The following PCDHGB1 variants were observed in gnomAD, a reference collection of about 807,000 sequenced individuals.
PCDHGB1 encodes protocadherin gamma-B1.
In PCDHGB1, 34 loss-of-function variants were observed where a neutral mutation model predicts 56.6. The observed-to-expected ratio is 0.60, with a 90% CI of 0.46 to 0.80. The LOEUF (loss-of-function observed/expected upper bound fraction) is 0.80. Among genes scored for constraint, PCDHGB1 ranks in the 30% least tolerant of loss-of-function variants. PCDHGB1 has a pLI of 0.00. For synonymous variants in PCDHGB1, 561 were observed against 505.9 expected (o/e 1.11, Z -1.46); for missense variants, 1,278 against 1,204.6 (o/e 1.06, Z -0.90).
intron 1 of PCDHGB1, chr5:141,419,435 C>CGCACCT (rs2096383167): frequency 6.2e-7 from 1 of 1,613,108 alleles, no homozygotes; most frequent in Admixed American, 1.7e-5. Context: ...CGAGCAGCTG[C>CGCACCT]GCACCTTCGA....
chr5:141,436,591 G>A (rs903125499), intron 1 of PCDHGB1, among the ~76,000 whole-genome samples: 8 of 152,154 alleles, frequency 5.3e-5, no homozygotes, highest in Non-Finnish European at 1.0e-4. Context: ...TTGAAAGGTC[G>A]TGGTGATGGC....
chr5:141,472,412 G>A (rs1283620276), intron 1 of PCDHGB1, among the ~76,000 whole-genome samples: 8 of 151,940 alleles, frequency 5.3e-5, no homozygotes, highest in Non-Finnish European at 8.8e-5. Context: ...GTGGTGGCAC[G>A]CACCTGTATC....
intron 1 of PCDHGB1, chr5:141,384,815 A>G (rs1780542398): frequency 5.6e-6 from 9 of 1,613,482 alleles, no homozygotes; most frequent in East Asian, 2.2e-5. Flanking sequence ...GATGCCCTCA[A>G]GCAGAGCCTC....
chr5:141,507,796 G>GGGAA (rs2099863457), intron 3 of PCDHGB1, among the ~76,000 whole-genome samples: 1 of 152,220 alleles, frequency 6.6e-6, no homozygotes, highest in Admixed American at 6.5e-5. Flanking sequence ...GTCTAAGCCT[G>GGGAA]CGCCCTGGGG....
intron 2 of PCDHGB1, among the ~76,000 whole-genome samples, chr5:141,500,046 T>C (rs959260262): frequency 1.3e-5 from 2 of 152,098 alleles, no homozygotes; most frequent in African/African-American, 4.8e-5. Context: ...TTAAGTATCT[T>C]AATGCTCTTT....
intron 1 of PCDHGB1, chr5:141,417,186 C>A (rs2154546857): frequency 6.6e-6 from 1 of 152,258 alleles, no homozygotes; most frequent in Admixed American, 6.5e-5. Context: ...GGAATTATTA[C>A]TTTCTGGGTG....
rs376721940 is a variant in PCDHGB1, at chr5:141,410,147, G to A, written c.2409+57478G>A. 18 of 1,612,952 alleles carry A rather than the reference G, an allele frequency of 1.1e-5. No homozygotes were observed. The East Asian group carries it at 3.6e-4, about 32-fold the overall frequency. ...GCGCCTGCTGGTCGCTGTGCGTGAC[G>A]GTGGACAGCCGCCACTCTCTGCCAC... On this transcript the variant is annotated intron_variant, in intron 1 of 3. Transcript: ENST00000523390.
At chr5:141,371,594 C>T (rs1767874002) in intron 1 of PCDHGB1, 1 of 1,613,990 alleles carries the variant, frequency 6.2e-7, no homozygotes, top group Middle Eastern at 1.6e-4. Flanking sequence ...ATACCAAAAA[C>T]ACATACAGGT....
At chr5:141,384,522 T>G (rs1251146864) in intron 1 of PCDHGB1, 2 of 1,614,074 alleles carry the variant, frequency 1.2e-6, no homozygotes, top group East Asian at 2.2e-5. Context: ...GGGACCCGCC[T>G]CTCAGCAGCA....
In PCDHGB1 at chr5:141,431,253, ACT is replaced by A. The variant is rs757246289; in HGVS notation, c.2410-63549_2410-63548del. On this transcript the variant is annotated intron_variant, in intron 1 of 3. Coordinates refer to ENST00000523390, the MANE Select transcript of PCDHGB1 (RefSeq NM_018922.3). This position sits in a 1 kb window ranked among gnomAD's most constrained non-coding sequence, Gnocchi z 4.8. ...GCCTGGGATCCGGATATCGGGAAGA[ACT>A]CTCTGCAGAGCTACGAGCTCAGCCC... 2.2e-5 allele frequency: 35 copies of A among 1,614,014 alleles called. No individual in the cohort carries two copies. In the South Asian group the frequency reaches 3.1e-4, roughly 14 times the overall value.
chr5:141,495,878 T>C (rs2099764378), intron 2 of PCDHGB1, among the ~76,000 whole-genome samples: 1 of 152,184 alleles, frequency 6.6e-6, no homozygotes, highest in African/African-American at 2.4e-5. Context: ...TTCCTCTCTG[T>C]TCTTTGTCTC....
intron 1 of PCDHGB1, chr5:141,409,922 T>C (rs752487198): frequency 1.2e-6 from 2 of 1,613,182 alleles, no homozygotes; most frequent in African/African-American, 2.7e-5. Context: ...CGGCTCCGCG[T>C]TCTTCGATAT....
Position 141,512,559 on chromosome 5 carries a change from C to T in PCDHGB1, c.*1386C>T, listed in dbSNP as rs1396321304. The T allele has an allele frequency of 6.5e-6, 1 of 152,904 alleles. No individual in the cohort carries two copies. The highest frequency in any genetic ancestry group is 1.5e-5 in the Non-Finnish European group (1 of 68,438). The allele number at this position is 152,904 out of a possible 1,614,324, so 9.5% of individuals were successfully genotyped here. ...CCCCAGTGCCTCCTTGTGCATAGAC[C>T]TTCTTCTCCCACCCCCTTCTGCCCC... On this transcript the variant is annotated 3_prime_UTR_variant, in exon 4 of 4. Coordinates refer to ENST00000523390, the MANE Select transcript of PCDHGB1 (RefSeq NM_018922.3).
At chr5:141,403,211 G>A (rs1253134514) in intron 1 of PCDHGB1, 2 of 1,613,856 alleles carry the variant, frequency 1.2e-6, no homozygotes, top group Non-Finnish European at 1.7e-6. Flanking sequence ...CTTGGTCACC[G>A]CGGGTAGGAT....
At chr5:141,447,656 C>T (rs1352103605) in intron 1 of PCDHGB1, among the ~76,000 whole-genome samples, 1 of 152,056 alleles carries the variant, frequency 6.6e-6, no homozygotes, top group Non-Finnish European at 1.5e-5. Flanking sequence ...ATTTTCCCCC[C>T]CAGGAAGTTA....
At chr5:141,410,192 T>G (rs748013890) in intron 1 of PCDHGB1, 1 of 1,613,980 alleles carries the variant, frequency 6.2e-7, no homozygotes, top group Non-Finnish European at 8.5e-7. Context: ...TCATCTGGTC[T>G]TCGCAGACAA....
At chr5:141,510,321 CA>C (rs1376271166) in intron 3 of PCDHGB1, among the ~76,000 whole-genome samples, 1 of 150,840 alleles carries the variant, frequency 6.6e-6, no homozygotes, top group Non-Finnish European at 1.5e-5. Context: ...CTTGGAAGAG[CA>C]CTCTTCACCC....
At chr5:141,429,875 A>G (rs959789833) in intron 1 of PCDHGB1, among the ~76,000 whole-genome samples, 3 of 152,322 alleles carry the variant, frequency 2.0e-5, no homozygotes, top group Middle Eastern at 6.8e-3. Context: ...ATTTTCTTTT[A>G]CTAAGTTTCC....
intron 1 of PCDHGB1, chr5:141,395,898 GC>G (rs1337402820): frequency 6.6e-6 from 1 of 151,994 alleles, no homozygotes; most frequent in Non-Finnish European, 1.5e-5. Context: ...TGGGCTCCAT[GC>G]CCATGGAGAC....
Sources: allele counts gnomAD v4.1 joint callset (sites outside exome capture counted in the v4.1 genomes callset), GRCh38; gene constraint gnomAD v4.1.1; non-coding constraint Gnocchi (gnomAD v3.1); transcripts MANE v1.5; gene names NCBI Gene and HGNC (gene_info 2026-07-23, HGNC 2026-07-21).